The following ST6GALNAC5 variants were observed in gnomAD, a reference collection of about 807,000 sequenced individuals.
ST6GALNAC5 encodes alpha-N-acetylgalactosaminide alpha-2,6-sialyltransferase 5.
Under a neutral mutation model 33.6 loss-of-function variants are expected in ST6GALNAC5, and 27 were observed. The observed-to-expected ratio is 0.80, with a 90% confidence interval of 0.59 to 1.11. The LOEUF (loss-of-function observed/expected upper bound fraction) is 1.11. Among genes scored for constraint, ST6GALNAC5 ranks in the 50% least tolerant of loss-of-function variants. The pLI, the probability that ST6GALNAC5 is intolerant of heterozygous loss-of-function variation, is 0.00. For synonymous variants in ST6GALNAC5, 194 were observed against 171.2 expected, an observed-to-expected ratio of 1.13 and a Z score of -1.04; for missense variants, 428 against 454.0, an observed-to-expected ratio of 0.94 and a Z score of 0.52.
At position 76,868,931 on chromosome 1, in the gene ST6GALNAC5, A is replaced by C; in HGVS notation, c.261+189A>C. The C allele has an allele frequency of 2.0e-6, 2 of 998,678 alleles. No homozygotes were observed. The highest frequency in any genetic ancestry group is 2.0e-5 in the South Asian group (1 of 50,950). 61.9% of individuals were successfully genotyped at this position (998,678 alleles called of 1,614,324 possible). On this transcript the variant is annotated intron_variant, in intron 2 of 4. Coordinates refer to ENST00000477717, the MANE Select transcript of ST6GALNAC5 (RefSeq NM_030965.3). This position sits in a 1 kb window ranked among gnomAD's most constrained non-coding sequence, Gnocchi z 4.3. ...GAATTCTTATTTGGAGAAAGACACA[A>C]AGTTTTGTAGAAAATAGGGGTGAGG...
intron 2 of ST6GALNAC5, among the ~76,000 whole-genome samples, chr1:76,990,858 G>A (rs1418547480): frequency 6.6e-6 from 1 of 152,164 alleles, no homozygotes; most frequent in Admixed American, 6.6e-5. Flanking sequence ...TAGTGCAGTA[G>A]TTGGGGATTT....
At chr1:76,892,824 C>A (rs544703987) in intron 2 of ST6GALNAC5, among the ~76,000 whole-genome samples, 1 of 152,262 alleles carries the variant, frequency 6.6e-6, no homozygotes, top group East Asian at 1.9e-4. Context: ...TCTCTTTTTA[C>A]GTTTTTGCAC....
At chr1:77,017,046 G>A (rs891086231) in intron 2 of ST6GALNAC5, among the ~76,000 whole-genome samples, 2 of 151,880 alleles carry the variant, frequency 1.3e-5, no homozygotes, top group African/African-American at 4.8e-5. Context: ...GAGGGGGCAG[G>A]GGAATGAGAC....
At chr1:76,935,462 G>A (rs192386365) in intron 2 of ST6GALNAC5, among the ~76,000 whole-genome samples, 77 of 152,142 alleles carry the variant, frequency 5.1e-4, no homozygotes, top group African/African-American at 1.5e-3. Context: ...CAGTGAGTAC[G>A]TCAGAGCATA....
At position 76,992,124 on chromosome 1, in the gene ST6GALNAC5, G is replaced by A. The variant is rs138458165; in HGVS notation, c.262-52080G>A. 1.1e-3 allele frequency among the ~76,000 whole-genome samples: 163 copies of A among 152,086 alleles called. 1 individual carries two copies. In the East Asian group the frequency reaches 0.028, roughly 26 times the overall value. ...CCTTATCCCTGGTCTCCCATATCCC[G>A]GTGGTTATAAATTCATGGTTAAGGC... On this transcript the variant is annotated intron_variant, in intron 2 of 4. Coordinates refer to ENST00000477717, the MANE Select transcript of ST6GALNAC5 (RefSeq NM_030965.3).
Position 76,903,207 on chromosome 1 carries a change from C to T in ST6GALNAC5, c.261+34465C>T, listed in dbSNP as rs562138873. ...AACTCAATAATAAAACAAATTAACCCAATTTTAAAATGGGCAAAGAATCTC... is the reference window on the plus strand; with the variant it reads ...AACTCAATAATAAAACAAATTAACCTAATTTTAAAATGGGCAAAGAATCTC... On this transcript the variant is annotated intron_variant, in intron 2 of 4. Transcript: ENST00000477717. 3.9e-5 allele frequency among the ~76,000 whole-genome samples: 6 copies of T among 152,140 alleles called. No individual in the cohort carries two copies. In the East Asian group the frequency reaches 5.8e-4, roughly 15 times the overall value.
intron 4 of ST6GALNAC5, among the ~76,000 whole-genome samples, chr1:77,061,454 A>AG (rs1652572312): frequency 6.6e-6 from 1 of 152,194 alleles, no homozygotes; most frequent in South Asian, 2.1e-4. Context: ...GGTGTCTGGC[A>AG]GGATGAGCAT....
chr1:76,907,535 G>A (rs1168706815), intron 2 of ST6GALNAC5, among the ~76,000 whole-genome samples: 1 of 152,140 alleles, frequency 6.6e-6, no homozygotes, highest in East Asian at 1.9e-4. Flanking sequence ...CTGTACTAGT[G>A]AGAGAAAGCC....
intron 2 of ST6GALNAC5, among the ~76,000 whole-genome samples, chr1:76,981,215 C>G (rs577654983): frequency 6.6e-6 from 1 of 152,146 alleles, no homozygotes; most frequent in African/African-American, 2.4e-5. Flanking sequence ...CATGAGGGGT[C>G]GGGGGATTTC....
chr1:77,018,786 C>T (rs1299386724), intron 2 of ST6GALNAC5, among the ~76,000 whole-genome samples: 2 of 152,166 alleles, frequency 1.3e-5, no homozygotes, highest in African/African-American at 2.4e-5. Flanking sequence ...ACATTATAAG[C>T]GTTCAATAAA....
chr1:77,026,791 C>CTGCA (rs1369918962), intron 2 of ST6GALNAC5, among the ~76,000 whole-genome samples: 3 of 149,190 alleles, frequency 2.0e-5, no homozygotes, highest in African/African-American at 7.4e-5. Context: ...AGAACACTTT[C>CTGCA]TGAATGAATG....
In ST6GALNAC5 at chr1:77,066,420, A is replaced by G. The variant is rs909608095; in HGVS notation, c.*3214A>G. On this transcript the variant is annotated 3_prime_UTR_variant, in exon 5 of 5. Transcript: ENST00000477717. ...TTGAATGACATGAGAATGGAGGGAAATAATCTCATTTTGAAATAAAAACTC... is the reference window on the plus strand; with the variant it reads ...TTGAATGACATGAGAATGGAGGGAAGTAATCTCATTTTGAAATAAAAACTC... Among the ~76,000 whole-genome samples, 1 of 152,188 alleles carries G rather than the reference A, an allele frequency of 6.6e-6. No homozygotes were observed. The highest frequency in any genetic ancestry group is 6.5e-5 in the Admixed American group (1 of 15,276).
At chr1:76,928,977 T>C (rs569056851) in intron 2 of ST6GALNAC5, among the ~76,000 whole-genome samples, 9 of 152,160 alleles carry the variant, frequency 5.9e-5, no homozygotes, top group Non-Finnish European at 1.2e-4. Context: ...TCTTAGCATA[T>C]TGAGCCATTA....
At chr1:77,058,688 T>C (rs988099268) in intron 4 of ST6GALNAC5, among the ~76,000 whole-genome samples, 1 of 152,200 alleles carries the variant, frequency 6.6e-6, no homozygotes, top group African/African-American at 2.4e-5. Context: ...CAACACAAAA[T>C]GGACTGACAC....
At chr1:76,971,992 C>A (rs1307298071) in intron 2 of ST6GALNAC5, among the ~76,000 whole-genome samples, 1 of 152,190 alleles carries the variant, frequency 6.6e-6, no homozygotes, top group African/African-American at 2.4e-5. Context: ...TCATACTGAT[C>A]TTTCCCGAAA....
intron 2 of ST6GALNAC5, among the ~76,000 whole-genome samples, chr1:77,019,296 T>C (rs943282664): frequency 1.3e-5 from 2 of 152,172 alleles, no homozygotes; most frequent in Non-Finnish European, 2.9e-5. Context: ...TGAGGGAAAT[T>C]GCAGGGCAGT....
chr1:77,056,501 A>T (rs566522206), intron 4 of ST6GALNAC5, among the ~76,000 whole-genome samples: 7 of 152,294 alleles, frequency 4.6e-5, no homozygotes, highest in African/African-American at 1.7e-4. Context: ...AACTAAATTA[A>T]TATCTCATCC....
intron 2 of ST6GALNAC5, among the ~76,000 whole-genome samples, chr1:76,898,668 A>T (rs993446757): frequency 2.1e-4 from 32 of 152,202 alleles, no homozygotes; most frequent in African/African-American, 7.5e-4. Flanking sequence ...AAAAAGGAGC[A>T]TTAACCTTGA....
intron 2 of ST6GALNAC5, among the ~76,000 whole-genome samples, chr1:76,959,530 G>T (rs1222696840): frequency 6.6e-6 from 1 of 152,188 alleles, no homozygotes; most frequent in Non-Finnish European, 1.5e-5. Context: ...AGAAATGAGG[G>T]GCAAGCTTTG....
Sources: allele counts gnomAD v4.1 joint callset (sites outside exome capture counted in the v4.1 genomes callset), GRCh38; gene constraint gnomAD v4.1.1; non-coding constraint Gnocchi (gnomAD v3.1); transcripts MANE v1.5; gene names NCBI Gene and HGNC (gene_info 2026-07-23, HGNC 2026-07-21).